Variants in CDK6 observed in about 807,000 individuals in gnomAD.
CDK6 encodes cyclin-dependent kinase 6.
In CDK6, 6 loss-of-function variants were observed where a neutral mutation model predicts 37.1. The observed-to-expected ratio is 0.16, with a 90% CI of 0.09 to 0.32. The LOEUF is 0.32. Among genes scored for constraint, CDK6 ranks in the 10% least tolerant of loss-of-function variants. The pLI is 1.00. For missense variants in CDK6, 224 were observed against 418.9 expected, an observed-to-expected ratio of 0.53 and a Z score of 4.06; for synonymous variants, 160 against 161.3, an observed-to-expected ratio of 0.99 and a Z score of 0.06.
At chr7:92,671,985 G>T (rs955528642) in intron 4 of CDK6, among the ~76,000 whole-genome samples, 2 of 151,208 alleles carry the variant, frequency 1.3e-5, no homozygotes, top group Admixed American at 6.6e-5. Flanking sequence ...ACTCAGAAAG[G>T]GGGAGGGTAG....
intron 3 of CDK6, among the ~76,000 whole-genome samples, chr7:92,740,052 C>T (rs1798882020): frequency 6.6e-6 from 1 of 152,184 alleles, no homozygotes; most frequent in South Asian, 2.1e-4. Context: ...GCCACCATGC[C>T]TAGCCCTAAG....
At position 92,765,451 on chromosome 7, in the gene CDK6, G is replaced by A. The variant is rs536707698; in HGVS notation, c.369+9245C>T. ...ACAACACAGATAATCCCAGAATCCCGGCCCACCACAGAGAACTGAATGCGC... is the reference window on the plus strand; with the variant it reads ...ACAACACAGATAATCCCAGAATCCCAGCCCACCACAGAGAACTGAATGCGC... On this transcript the variant is annotated intron_variant, in intron 3 of 7. Transcript: ENST00000424848. Among the ~76,000 whole-genome samples the A allele has an allele frequency of 1.6e-3, 243 of 151,666 alleles. 2 individuals are homozygous for A. The highest frequency in any genetic ancestry group is 5.2e-3 in the African/African-American group (216 of 41,348).
chr7:92,760,115 A>G (rs1178639724), intron 3 of CDK6, among the ~76,000 whole-genome samples: 1 of 152,142 alleles, frequency 6.6e-6, no homozygotes, highest in African/African-American at 2.4e-5. Flanking sequence ...TAGGCTTGCA[A>G]CTTTACTGTA....
At chr7:92,728,876 C>A (rs779142113) in intron 3 of CDK6, among the ~76,000 whole-genome samples, 3 of 152,126 alleles carry the variant, frequency 2.0e-5, no homozygotes, top group African/African-American at 4.8e-5. Flanking sequence ...AAATCTTGCC[C>A]AACATCTCAT....
At chr7:92,831,872 T>C (rs567979124) in intron 2 of CDK6, among the ~76,000 whole-genome samples, 44 of 152,230 alleles carry the variant, frequency 2.9e-4, no homozygotes, top group Non-Finnish European at 5.9e-4. Flanking sequence ...TCTGAGTCTG[T>C]AGAGAGTTTG....
chr7:92,763,998 C>T (rs1562958715), intron 3 of CDK6, among the ~76,000 whole-genome samples: 3 of 152,068 alleles, frequency 2.0e-5, no homozygotes, highest in Admixed American at 2.0e-4. Context: ...GTTTACAAAG[C>T]CTTTATCAAC....
chr7:92,673,296 AGTCTTTAGATGATTATAT>A (rs1797131052), intron 4 of CDK6, among the ~76,000 whole-genome samples: 1 of 152,244 alleles, frequency 6.6e-6, no homozygotes, highest in African/African-American at 2.4e-5. Context: ...GACCGTTTTA[AGTCTTTAGATGATTATAT>A]GGCAACATCA....
chr7:92,711,398 T>C (rs1447167413), intron 4 of CDK6, among the ~76,000 whole-genome samples: 1 of 151,994 alleles, frequency 6.6e-6, no homozygotes, highest in Non-Finnish European at 1.5e-5. Context: ...CACATCCACA[T>C]CCACCCTCAT....
At chr7:92,701,852 T>C (rs1797856096) in intron 4 of CDK6, 1 of 152,320 alleles carries the variant, frequency 6.6e-6, no homozygotes. Context: ...TACCACAAAA[T>C]GCAGAAATAA....
intron 4 of CDK6, among the ~76,000 whole-genome samples, chr7:92,722,474 T>G (rs1217974784): frequency 6.6e-6 from 1 of 152,214 alleles, no homozygotes; most frequent in Non-Finnish European, 1.5e-5. Context: ...GCGTCAACTT[T>G]TCACTCCTAA....
At chr7:92,788,429 C>G (rs1468973967) in intron 2 of CDK6, among the ~76,000 whole-genome samples, 1 of 152,128 alleles carries the variant, frequency 6.6e-6, no homozygotes, top group Non-Finnish European at 1.5e-5. Context: ...GATTCTTACC[C>G]ATCTTAATTC....
At chr7:92,626,528 T>C (rs1179313777) in intron 5 of CDK6, among the ~76,000 whole-genome samples, 1 of 152,116 alleles carries the variant, frequency 6.6e-6, no homozygotes, top group Non-Finnish European at 1.5e-5. Context: ...AGCTGATTTG[T>C]CTGACTTCAA....
At chr7:92,761,155 A>G (rs1799446762) in intron 3 of CDK6, among the ~76,000 whole-genome samples, 1 of 152,018 alleles carries the variant, frequency 6.6e-6, no homozygotes, top group African/African-American at 2.4e-5. Context: ...TTCAGTCTAA[A>G]ATTTTTATAG....
intron 4 of CDK6, among the ~76,000 whole-genome samples, chr7:92,721,560 T>C (rs1585428589): frequency 6.6e-6 from 1 of 152,270 alleles, no homozygotes; most frequent in East Asian, 1.9e-4. Flanking sequence ...TACATGTGCA[T>C]ACAAGACACT....
rs1018962149 is a variant in CDK6, at chr7:92,611,694, T to C, written c.*3446A>G. On this transcript the variant is annotated 3_prime_UTR_variant, in exon 8 of 8. Coordinates refer to ENST00000424848, the MANE Select transcript of CDK6 (RefSeq NM_001145306.2). ...GATAGTACATTCTGGAGAGTCAAAC[T>C]ATACATTTCTCTATAGAAAAGAAAC... The C allele has an allele frequency of 8.7e-6, 2 of 229,294 alleles. No homozygotes were observed. The highest frequency in any genetic ancestry group is 1.1e-4 in the Admixed American group (2 of 17,656). The allele number at this position is 229,294 out of a possible 1,614,324, so 14.2% of individuals were successfully genotyped here. A position where few individuals can be genotyped will look rare whatever the true frequency, so the allele number is the denominator to read the frequency against.
At position 92,623,086 on chromosome 7, in the gene CDK6, C is replaced by T. The variant is rs2116495099; in HGVS notation, c.648G>A (p.Lys216=). 1 of 1,565,714 alleles carries T rather than the reference C, an allele frequency of 6.4e-7. No homozygotes were observed. The highest frequency in any genetic ancestry group is 8.8e-7 in the Non-Finnish European group (1 of 1,140,268). ...GCIFAEMFRR[K]PLFRGSSDVD... ...CATCTGAACTTCCACGAAAAAGAGG[C>T]CTAAAAGAATAAAGATACATTTTAA... is the stretch of plus-strand genomic sequence containing the variant. The change falls in exon 6 of 8, where the codon AAG becomes AAA. Residue 216 remains lysine, a splice_region_variant and synonymous_variant. Transcript: ENST00000424848.
At chr7:92,621,843 C>T (rs1795811562) in intron 6 of CDK6, among the ~76,000 whole-genome samples, 1 of 152,108 alleles carries the variant, frequency 6.6e-6, no homozygotes, top group African/African-American at 2.4e-5. Flanking sequence ...TTATTCAGGC[C>T]TTAAAGCTAC....
At chr7:92,626,401 C>G (rs1795928491) in intron 5 of CDK6, among the ~76,000 whole-genome samples, 1 of 151,870 alleles carries the variant, frequency 6.6e-6, no homozygotes, top group Admixed American at 6.6e-5. Flanking sequence ...CAGTGGGAGA[C>G]AGAAGTCGCG....
intron 2 of CDK6, among the ~76,000 whole-genome samples, chr7:92,829,599 A>G (rs1008497125): frequency 7.2e-5 from 11 of 152,150 alleles, no homozygotes; most frequent in Non-Finnish European, 1.6e-4. Context: ...CCCTTCCTAA[A>G]TCCTTTTTGA....
Sources: gnomAD v4.1 joint callset for allele counts (sites outside exome capture counted in the v4.1 genomes callset) on GRCh38, gnomAD v4.1.1 for gene constraint, MANE v1.5 for transcripts, NCBI Gene and HGNC (gene_info 2026-07-23, HGNC 2026-07-21) for gene names.